Variants in PARG observed in about 807,000 individuals in gnomAD.
PARG encodes poly(ADP-ribose) glycohydrolase.
A neutral mutation model predicts 113.0 loss-of-function variants in PARG; 35 were observed. The ratio of observed to expected loss-of-function variants is 0.31; its 90% confidence interval spans 0.24 to 0.41. The LOEUF (loss-of-function observed/expected upper bound fraction) is 0.41. PARG is among the 10% of genes least tolerant of loss of function. The pLI is 1.00. For synonymous variants in PARG, 330 were observed against 409.9 expected, an observed-to-expected ratio of 0.81 and a Z score of 2.36; for missense variants, 797 against 1,169.4, an observed-to-expected ratio of 0.68 and a Z score of 4.64.
At chr10:49,910,388 A>G (rs1588976022) in intron 7 of PARG, among the ~76,000 whole-genome samples, 1 of 152,242 alleles carries the variant, frequency 6.6e-6, no homozygotes, top group Non-Finnish European at 1.5e-5. Context: ...GAAACATATT[A>G]CTAGCCTCAT....
At chr10:49,859,514 T>C (rs1260950685) in intron 12 of PARG, among the ~76,000 whole-genome samples, 3 of 151,976 alleles carry the variant, frequency 2.0e-5, no homozygotes, top group African/African-American at 7.3e-5. Flanking sequence ...AAATGGACTG[T>C]ACTTGAGAAC....
chr10:49,884,563 G>A (rs539581111), intron 8 of PARG, among the ~76,000 whole-genome samples: 13 of 152,240 alleles, frequency 8.5e-5, no homozygotes, highest in South Asian at 6.2e-4. Context: ...TTGTGCCATC[G>A]CACTCCAAAA....
intron 7 of PARG, among the ~76,000 whole-genome samples, chr10:49,900,449 C>T (rs1848300111): frequency 6.6e-6 from 1 of 150,734 alleles, no homozygotes; most frequent in South Asian, 2.1e-4. Context: ...ATTCTTGAAA[C>T]AAAATATGCC....
chr10:49,912,089 C>A (rs1837217801), intron 7 of PARG, among the ~76,000 whole-genome samples: 1 of 151,986 alleles, frequency 6.6e-6, no homozygotes, highest in African/African-American at 2.4e-5. Flanking sequence ...CACTTGAGGT[C>A]AGGAGTTCGA....
chr10:49,832,400 G>A (rs1844714077), intron 16 of PARG, among the ~76,000 whole-genome samples: 1 of 152,208 alleles, frequency 6.6e-6, no homozygotes, highest in South Asian at 2.1e-4. Context: ...GTATCTCAGA[G>A]CCTACCACTG....
chr10:49,883,441 T>C (rs2132642447), intron 8 of PARG, among the ~76,000 whole-genome samples: 1 of 149,970 alleles, frequency 6.7e-6, no homozygotes, highest in Non-Finnish European at 1.5e-5. Flanking sequence ...AATAAAATTA[T>C]GAACAAAACA....
intron 16 of PARG, among the ~76,000 whole-genome samples, chr10:49,820,745 G>T (rs17776131): frequency 0.19 from 28,476 of 150,728 alleles, 3,240 homozygotes; most frequent in Non-Finnish European, 0.27. Context: ...AAAGAAATGG[G>T]GAATACAGGA....
intron 15 of PARG, among the ~76,000 whole-genome samples, chr10:49,840,186 T>C (rs1399748812): frequency 3.3e-5 from 5 of 151,884 alleles, no homozygotes; most frequent in South Asian, 2.1e-4. Context: ...GCCCAGGAGT[T>C]TGAAATTGGC....
At chr10:49,911,023 C>T (rs1174429044) in intron 7 of PARG, among the ~76,000 whole-genome samples, 2 of 152,192 alleles carry the variant, frequency 1.3e-5, no homozygotes, top group East Asian at 1.9e-4. Context: ...TGGCTCATAC[C>T]TGTAATCCCA....
intron 4 of PARG, among the ~76,000 whole-genome samples, chr10:49,923,900 CA>C (rs1215815992): frequency 4.0e-5 from 6 of 151,086 alleles, no homozygotes; most frequent in African/African-American, 7.3e-5. Flanking sequence ...AGGGAAGAAT[CA>C]GGGGAGAAGG....
At chr10:49,895,562 C>A (rs1554842568) in intron 7 of PARG, among the ~76,000 whole-genome samples, 1 of 152,008 alleles carries the variant, frequency 6.6e-6, no homozygotes, top group African/African-American at 2.4e-5. Flanking sequence ...CGCCACCACG[C>A]CTGGCTAATT....
At chr10:49,865,714 A>T (rs1289448296) in intron 10 of PARG, among the ~76,000 whole-genome samples, 8 of 149,894 alleles carry the variant, frequency 5.3e-5, no homozygotes, top group South Asian at 2.1e-4. Context: ...CTTTTTTTTA[A>T]AAAAAAAAGC....
At chr10:49,825,300 C>T (rs927453123) in intron 16 of PARG, among the ~76,000 whole-genome samples, 22 of 152,172 alleles carry the variant, frequency 1.4e-4, no homozygotes, top group African/African-American at 5.3e-4. Context: ...AATACACTCT[C>T]TCTTCAAGAA....
chr10:49,847,902 G>A (rs1330764557), intron 13 of PARG, among the ~76,000 whole-genome samples: 1 of 144,532 alleles, frequency 6.9e-6, no homozygotes, highest in South Asian at 2.4e-4. Flanking sequence ...GGACAAAAAT[G>A]TAAACTGGTG....
Position 49,843,559 on chromosome 10 carries a change from A to G in PARG, c.2427T>C (p.Ser809=), listed in dbSNP as rs1845349465. The stretch of plus-strand genomic sequence containing the variant: ...GAAGACAGAAACAGACTCACCTTTC[A>G]CTCCCATCTTCGTGGCTCCGGGACC... ...YRWSRSHEDG[S]ERDDWQRRCT... is the part of the protein sequence containing the mutation. Residue 809 remains serine (S), a synonymous_variant, in exon 14 of 18, where the codon AGT becomes AGC. Transcript: ENST00000616448. The G allele has an allele frequency of 1.3e-6, 2 of 1,547,458 alleles. No individual in the cohort carries two copies. The highest frequency in any genetic ancestry group is 1.7e-6 in the Non-Finnish European group (2 of 1,143,308).
intron 15 of PARG, among the ~76,000 whole-genome samples, chr10:49,835,504 T>TA (rs1554830947): frequency 6.6e-6 from 1 of 151,960 alleles, no homozygotes; most frequent in East Asian, 1.9e-4. Flanking sequence ...ACAGCGAACA[T>TA]AAAGGTAATT....
intron 1 of PARG, among the ~76,000 whole-genome samples, chr10:49,936,309 T>C (rs1838733175): frequency 6.6e-6 from 1 of 152,192 alleles, no homozygotes; most frequent in African/African-American, 2.4e-5. Context: ...TGAAAAATGA[T>C]GACAGCCTTA....
In PARG at chr10:49,941,791, G is replaced by A. The variant is rs1414245214; in HGVS notation, c.-66C>T. On this transcript the variant is annotated 5_prime_UTR_variant, in exon 1 of 18. Coordinates refer to ENST00000616448, the MANE Select transcript of PARG (RefSeq NM_003631.5). ...GGAGAGCCTCATTCACTAACCCTGA[G>A]AGAGATGGACTGCGCCTCCTTCTCA... The A allele has an allele frequency of 1.9e-5, 29 of 1,537,508 alleles. No homozygotes were observed. The East Asian group carries it at 6.8e-4, about 36-fold the overall frequency.
chr10:49,844,318 A>G (rs1239554891), intron 13 of PARG, among the ~76,000 whole-genome samples: 4 of 151,500 alleles, frequency 2.6e-5, no homozygotes, highest in Non-Finnish European at 5.9e-5. Flanking sequence ...AGGAGTAAAC[A>G]TAACAACAAA....
Sources: allele counts gnomAD v4.1 joint callset (sites outside exome capture counted in the v4.1 genomes callset), GRCh38; gene constraint gnomAD v4.1.1; transcripts MANE v1.5; gene names NCBI Gene and HGNC (gene_info 2026-07-23, HGNC 2026-07-21).